NLRP5: variants seen among roughly 807,000 people sequenced by gnomAD.
The protein encoded by NLRP5 is NLR family pyrin domain containing 5, also known as NACHT, LRR and PYD domains-containing protein 5.
NLRP5 carries 93 observed loss-of-function variants against 113.1 expected under a neutral mutation model. That is an observed-to-expected ratio of 0.82 (90% CI 0.70 to 0.98). The LOEUF (loss-of-function observed/expected upper bound fraction) is 0.98. Among genes scored for constraint, NLRP5 ranks in the 50% least tolerant of loss-of-function variants. The pLI is 0.00. For synonymous variants in NLRP5, 751 were observed against 600.7 expected, an observed-to-expected ratio of 1.25 and a Z score of -3.66; for missense variants, 1,808 against 1,514.3, an observed-to-expected ratio of 1.19 and a Z score of -3.22.
intron 2 of NLRP5, among the ~76,000 whole-genome samples, chr19:56,008,128 C>T (rs1304198373): frequency 6.6e-6 from 1 of 150,622 alleles, no homozygotes; most frequent in Admixed American, 6.7e-5. Context: ...CGGGGTTTCA[C>T]CATGTTAGCC....
chr19:56,046,604 G>A (rs1199289483), intron 11 of NLRP5, among the ~76,000 whole-genome samples: 4 of 151,798 alleles, frequency 2.6e-5, no homozygotes, highest in Admixed American at 6.6e-5. Context: ...GCAGTGGCGC[G>A]ATCTCGGCTC....
intron 2 of NLRP5, among the ~76,000 whole-genome samples, chr19:56,006,808 C>T (rs1185318021): frequency 9.9e-5 from 15 of 151,636 alleles, no homozygotes; most frequent in Admixed American, 9.8e-4. Flanking sequence ...GGCGCAATCT[C>T]GGCTCACCGC....
chr19:56,024,028 G>A (rs572846943), intron 6 of NLRP5, among the ~76,000 whole-genome samples: 2 of 152,178 alleles, frequency 1.3e-5, no homozygotes, highest in Admixed American at 1.3e-4. Flanking sequence ...GAGGCAAAAA[G>A]ACAAGGTATT....
chr19:55,998,732 G>GTATATATATATATGTGTA (rs1196005656), upstream of NLRP5, among the ~76,000 whole-genome samples: 1 of 135,064 alleles, frequency 7.4e-6, no homozygotes, highest in African/African-American at 2.9e-5. Context: ...ATATATATGT[G>GTATATATATATATGTGTA]TATATATATA....
chr19:56,029,561 C>T (rs376351976), intron 7 of NLRP5, among the ~76,000 whole-genome samples: 14 of 152,210 alleles, frequency 9.2e-5, no homozygotes, highest in South Asian at 2.1e-4. Flanking sequence ...CTGCTGTGCC[C>T]GGCCTCATTT....
At chr19:55,991,070 A>G in the NLRP5 span, among the ~76,000 whole-genome samples, 1 of 152,252 alleles carries the variant, frequency 6.6e-6, no homozygotes, top group East Asian at 1.9e-4. Flanking sequence ...GTCATGTCTC[A>G]AATTTATTTG....
At position 56,025,386 on chromosome 19, in the gene NLRP5, T is replaced by TTCTCTCTCTCTCTCTCTCTCTCTC. The variant is rs3055366; in HGVS notation, c.680-1508_680-1507insCTCTCTCTCTCTCTCTCTCTCTCT. Among the ~76,000 whole-genome samples the TTCTCTCTCTCTCTCTCTCTCTCTC allele has an allele frequency of 3.1e-3, 459 of 146,524 alleles. 4 individuals carry two copies. The highest frequency in any genetic ancestry group is 4.0e-3 in the Non-Finnish European group (261 of 66,050). On this transcript the variant is annotated intron_variant, in intron 6 of 14. Coordinates refer to ENST00000390649, the MANE Select transcript of NLRP5 (RefSeq NM_153447.4). ...GTTTGACCTCAAGGAACGTGCTCCG[T>TTCTCTCTCTCTCTCTCTCTCTCTC]TCTCTCTCTCTCTCTCTCTGTCTCT... is the stretch of plus-strand genomic sequence containing the variant.
chr19:56,020,551 T>A (rs1354123142), intron 6 of NLRP5, 120 bp downstream of exon 6: 1 of 1,166,636 alleles, frequency 8.6e-7, no homozygotes, highest in African/African-American at 1.5e-5. Flanking sequence ...ATCTCATTTG[T>A]CTCTGGTGTC....
At chr19:56,059,372 A>AT (rs1984269300) in intron 14 of NLRP5, among the ~76,000 whole-genome samples, 1 of 152,150 alleles carries the variant, frequency 6.6e-6, no homozygotes, top group Non-Finnish European at 1.5e-5. Context: ...TAGAAAAAGC[A>AT]TTTGTCATTT....
chr19:56,031,826 G>A (rs573640949), intron 7 of NLRP5, among the ~76,000 whole-genome samples: 1 of 152,288 alleles, frequency 6.6e-6, no homozygotes, highest in African/African-American at 2.4e-5. Context: ...GGATGGACAT[G>A]TAAGTTTTCC....
At chr19:55,996,183 G>A (rs1443178388), upstream of NLRP5, among the ~76,000 whole-genome samples, 1 of 152,154 alleles carries the variant, frequency 6.6e-6, no homozygotes, top group Non-Finnish European at 1.5e-5. Context: ...GTGTTAAATA[G>A]GAGTGGCGGA....
rs546688018 is a variant in NLRP5 at position 56,020,607 on chromosome 19, C to T, written c.679+176C>T. 1.8e-4 allele frequency among the ~76,000 whole-genome samples: 28 copies of T among 151,734 alleles called. No individual in the cohort carries two copies. In the South Asian group the frequency reaches 4.2e-3, roughly 23 times the overall value. ...TTGATCAGTACCATGGATAGAGCTACGCAAGTTCACTGTGATTATCTACAG... is the reference window on the plus strand; with the variant it reads ...TTGATCAGTACCATGGATAGAGCTATGCAAGTTCACTGTGATTATCTACAG... On this transcript the variant is annotated intron_variant, in intron 6 of 14. Coordinates refer to ENST00000390649, the MANE Select transcript of NLRP5 (RefSeq NM_153447.4).
chr19:56,043,000 C>CATTG (rs1237501655), intron 11 of NLRP5, among the ~76,000 whole-genome samples: 39 of 152,128 alleles, frequency 2.6e-4, no homozygotes, highest in Non-Finnish European at 5.9e-5. Context: ...TTTATCCACT[C>CATTG]ATTGATTGAT....
At position 56,033,532 on chromosome 19, in the gene NLRP5, C is replaced by G. The variant is rs1288189027; in HGVS notation, c.2448-10C>G. 3.7e-6 allele frequency: 6 copies of G among 1,604,874 alleles called. No homozygotes were observed. Among genetic ancestry groups the G allele is most frequent in the Non-Finnish European group, 5.1e-6 (6 of 1,174,580 alleles). ...CCAGTGTCGAATGTGTCTCCCCTTC[C>G]CCATTGCAGGTTTAGAAATGCACAG... On this transcript the variant is annotated splice_polypyrimidine_tract_variant and intron_variant, in intron 8 of 14. Coordinates refer to ENST00000390649, the MANE Select transcript of NLRP5 (RefSeq NM_153447.4).
chr19:55,987,854 A>C, the NLRP5 span: 1 of 1,613,348 alleles, frequency 6.2e-7, no homozygotes, highest in South Asian at 1.1e-5. Context: ...CTTCTCCCCA[A>C]CTCCTCACCC....
chr19:56,043,048 G>A (rs1268113846), intron 11 of NLRP5, among the ~76,000 whole-genome samples: 1 of 152,106 alleles, frequency 6.6e-6, no homozygotes, highest in Non-Finnish European at 1.5e-5. Flanking sequence ...GCAATTGTCA[G>A]TTGTCCTGCT....
upstream of NLRP5, among the ~76,000 whole-genome samples, chr19:55,997,707 C>CA (rs1024323252): frequency 1.3e-5 from 2 of 151,666 alleles, no homozygotes; most frequent in Non-Finnish European, 2.9e-5. Context: ...GTTAAAATAC[C>CA]AAAAAAATAG....
At position 56,003,743 on chromosome 19, in the gene NLRP5, T is replaced by G. The variant is rs1293148357; in HGVS notation, c.90T>G (p.Thr30=). Residue 30 remains threonine (T), a synonymous_variant, in exon 2 of 15, where the codon ACT becomes ACG. Coordinates refer to ENST00000390649, the MANE Select transcript of NLRP5 (RefSeq NM_153447.4). The stretch of plus-strand genomic sequence containing the variant: ...TTGTCACTCTTTCCACAGGTCCTAC[T>G]TGCTCTATATTACCAAAGAATCCAC... 1 of 1,611,728 alleles carries G rather than the reference T, an allele frequency of 6.2e-7. No homozygotes were observed.
upstream of NLRP5, among the ~76,000 whole-genome samples, chr19:55,997,963 C>T (rs1981386351): frequency 6.6e-6 from 1 of 151,862 alleles, no homozygotes; most frequent in Non-Finnish European, 1.5e-5. Context: ...TTTTTATTCT[C>T]TGAATGTTGA....
Sources: gnomAD v4.1 joint callset for allele counts (sites outside exome capture counted in the v4.1 genomes callset) on GRCh38, gnomAD v4.1.1 for gene constraint, MANE v1.5 for transcripts, NCBI Gene and HGNC (gene_info 2026-07-23, HGNC 2026-07-21) for gene names.